Variants in TMEM266 observed in about 807,000 individuals in gnomAD.
The protein encoded by TMEM266 is Hv1 related protein 1.
A neutral mutation model predicts 50.5 loss-of-function variants in TMEM266; 33 were observed. The ratio of observed to expected loss-of-function variants is 0.65; its 90% CI spans 0.50 to 0.87. TMEM266 has a LOEUF of 0.87. Among genes scored for constraint, TMEM266 ranks in the 40% least tolerant of loss-of-function variants. TMEM266 has a pLI of 0.00. For missense variants in TMEM266, 655 were observed against 695.1 expected, an observed-to-expected ratio of 0.94 and a Z score of 0.65; for synonymous variants, 310 against 292.3, an observed-to-expected ratio of 1.06 and a Z score of -0.62.
Position 76,188,011 on chromosome 15 carries a change from C to T in TMEM266, c.769-3957C>T, listed in dbSNP as rs184070190. Among the ~76,000 whole-genome samples the T allele has an allele frequency of 8.2e-4, 125 of 152,176 alleles. 1 individual carries two copies. The highest frequency in any genetic ancestry group is 2.9e-3 in the African/African-American group (122 of 41,490). ...TGGAGCTCTCACTTGCTCACGAGAA[C>T]CCATTGTGCACATTTCCCCCAGGGC... On this transcript the variant is annotated intron_variant, in intron 8 of 10. Transcript: ENST00000388942.
At chr15:76,193,753 TCCCCTG>T (rs1414582384) in intron 9 of TMEM266, among the ~76,000 whole-genome samples, 6 of 152,200 alleles carry the variant, frequency 3.9e-5, no homozygotes, top group Non-Finnish European at 7.3e-5. Context: ...TGAGGCCTGG[TCCCCTG>T]CCCCTGCCTC....
At chr15:76,181,231 G>T (rs2038399287) in intron 8 of TMEM266, 1 of 152,244 alleles carries the variant, frequency 6.6e-6, no homozygotes. Flanking sequence ...CAGGTCTCTT[G>T]TTGCTCATTC....
intron 8 of TMEM266, among the ~76,000 whole-genome samples, chr15:76,177,825 G>A (rs527764931): frequency 2.4e-4 from 37 of 152,396 alleles, no homozygotes; most frequent in Admixed American, 5.2e-4. Flanking sequence ...TGTGACCCTC[G>A]TCCTCACGGG....
intron 1 of TMEM266, among the ~76,000 whole-genome samples, chr15:76,071,719 C>G (rs2036542038): frequency 6.6e-6 from 1 of 152,136 alleles, no homozygotes; most frequent in Non-Finnish European, 1.5e-5. Flanking sequence ...TTCCCACCAG[C>G]CCCACCCCAG....
chr15:76,064,496 A>G (rs1244173122), intron 1 of TMEM266, among the ~76,000 whole-genome samples: 1 of 152,168 alleles, frequency 6.6e-6, no homozygotes, highest in Non-Finnish European at 1.5e-5. Flanking sequence ...AATGGACTAC[A>G]CTGGGATGCT....
intron 1 of TMEM266, among the ~76,000 whole-genome samples, chr15:76,130,491 G>C (rs2142026543): frequency 6.6e-6 from 1 of 152,356 alleles, no homozygotes; most frequent in East Asian, 1.9e-4. Context: ...AGTGAGCCAA[G>C]ATCGCGCCAG....
intron 9 of TMEM266, among the ~76,000 whole-genome samples, chr15:76,193,045 G>A (rs191069084): frequency 6.6e-6 from 1 of 152,356 alleles, no homozygotes; most frequent in East Asian, 1.9e-4. Flanking sequence ...GGGGAGGCAA[G>A]AGGCCTGAGC....
intron 1 of TMEM266, among the ~76,000 whole-genome samples, chr15:76,110,292 C>T (rs1357900651): frequency 3.3e-5 from 5 of 152,142 alleles, no homozygotes; most frequent in Admixed American, 1.3e-4. Flanking sequence ...CATAAGCCAC[C>T]GCACCATGCC....
At chr15:76,166,677 C>T (rs2038101953) in intron 5 of TMEM266, among the ~76,000 whole-genome samples, 1 of 152,240 alleles carries the variant, frequency 6.6e-6, no homozygotes, top group Non-Finnish European at 1.5e-5. Flanking sequence ...TCCTGGGCCT[C>T]TGCCTTTTCA....
chr15:76,174,123 A>T (rs985094727), intron 7 of TMEM266, among the ~76,000 whole-genome samples: 5 of 152,182 alleles, frequency 3.3e-5, no homozygotes, highest in African/African-American at 1.2e-4. Flanking sequence ...TTCCGTGCCA[A>T]CTATCACATC....
Position 76,076,535 on chromosome 15 carries a change from C to T in TMEM266, c.-97+16519C>T, listed in dbSNP as rs140302380. Among the ~76,000 whole-genome samples, 38 of 152,126 alleles carry T rather than the reference C, an allele frequency of 2.5e-4. 1 individual carries two copies. The highest frequency in any genetic ancestry group is 9.2e-4 in the African/African-American group (38 of 41,406). On this transcript the variant is annotated intron_variant, in intron 1 of 10. Transcript: ENST00000388942. ...CAACAATATGCTATATGACATACAT[C>T]GAGTCTTATTTGAGAAAGAAAATCC...
Position 76,064,001 on chromosome 15 carries a change from A to G in TMEM266, c.-97+3985A>G, listed in dbSNP as rs574655560. 2.8e-3 allele frequency among the ~76,000 whole-genome samples: 430 copies of G among 152,318 alleles called. 20 individuals are homozygous for G. The South Asian group carries it at 0.081, about 29-fold the overall frequency. On this transcript the variant is annotated intron_variant, in intron 1 of 10. Transcript: ENST00000388942. The stretch of plus-strand genomic sequence containing the variant: ...CACCTGAGGGTTGGGATGTGTGACG[A>G]GGCAGCAAATGGTACGTGGGGAGAT...
rs2142044674 is a variant in TMEM266, at chr15:76,153,565, C to T, written c.228-3039C>T. Among the ~76,000 whole-genome samples the T allele has an allele frequency of 6.6e-6, 1 of 152,062 alleles. No homozygotes were observed. On this transcript the variant is annotated intron_variant, in intron 3 of 10. Coordinates refer to ENST00000388942, the MANE Select transcript of TMEM266 (RefSeq NM_152335.3). The surrounding 1 kb of genome is among the most constrained non-coding windows in gnomAD (Gnocchi z 4.2). ...AGAATGTGGAATTGGAGCCAGGTGT[C>T]CTTGGGCCCTAGAAAAGACCATGCT...
chr15:76,106,154 C>G (rs1193110020), intron 1 of TMEM266, among the ~76,000 whole-genome samples: 1 of 152,086 alleles, frequency 6.6e-6, no homozygotes, highest in Non-Finnish European at 1.5e-5. Flanking sequence ...CCTCCCATCC[C>G]CCAGCCCCTG....
At chr15:76,079,947 A>G (rs532277590) in intron 1 of TMEM266, among the ~76,000 whole-genome samples, 45 of 152,058 alleles carry the variant, frequency 3.0e-4, no homozygotes, top group Non-Finnish European at 6.3e-4. Context: ...TGAGGTCAAC[A>G]ACAGCACAGA....
At chr15:76,074,535 C>T (rs12911337) in intron 1 of TMEM266, among the ~76,000 whole-genome samples, 31,767 of 151,730 alleles carry the variant, frequency 0.21, 4,128 homozygotes, top group Non-Finnish European at 0.28. Context: ...TATTATATGT[C>T]GTCTTTGCTG....
chr15:76,202,266 T>TAAGTCTGGGTTGG lies in TMEM266; in HGVS notation c.1021+3_1021+15dup. ...AGTATTACAATGGGCCCAGCAGTGG[T>TAAGTCTGGGTTGG]AAGTCTGGGTTGGGGCTGTTCTACA... On this transcript the variant is annotated splice_region_variant and intron_variant, in intron 10 of 10. Transcript: ENST00000388942. The TAAGTCTGGGTTGG allele has an allele frequency of 1.2e-6, 2 of 1,612,978 alleles. No individual in the cohort carries two copies. Among genetic ancestry groups the TAAGTCTGGGTTGG allele is most frequent in the Non-Finnish European group, 1.7e-6 (2 of 1,179,264 alleles).
chr15:76,110,519 G>C (rs2037155477), intron 1 of TMEM266, among the ~76,000 whole-genome samples: 1 of 152,112 alleles, frequency 6.6e-6, no homozygotes, highest in South Asian at 2.1e-4. Flanking sequence ...GGACACCCCT[G>C]CTTTAGATGT....
intron 9 of TMEM266, among the ~76,000 whole-genome samples, chr15:76,193,856 G>A (rs2038617479): frequency 6.6e-6 from 1 of 152,228 alleles, no homozygotes; most frequent in Non-Finnish European, 1.5e-5. Flanking sequence ...ACCATCACCT[G>A]CATTCCCACA....
Sources: allele counts gnomAD v4.1 joint callset (sites outside exome capture counted in the v4.1 genomes callset), GRCh38; gene constraint gnomAD v4.1.1; non-coding constraint Gnocchi (gnomAD v3.1); transcripts MANE v1.5; gene names NCBI Gene and HGNC (gene_info 2026-07-23, HGNC 2026-07-21).